RAB28: variants seen among roughly 807,000 people sequenced by gnomAD.
The protein encoded by RAB28 is RAB28, member RAS oncogene family.
RAB28 carries 24 observed loss-of-function variants against 31.7 expected under a neutral mutation model. The observed-to-expected ratio is 0.76, with a 90% CI of 0.55 to 1.06. The LOEUF (loss-of-function observed/expected upper bound fraction) is 1.06, where lower values mean the gene tolerates loss of function less well. Ranked by LOEUF, RAB28 falls within the 50% of genes least tolerant of loss-of-function variation. The pLI is 0.00. For synonymous variants in RAB28, 100 were observed against 90.4 expected, an observed-to-expected ratio of 1.11 and a Z score of -0.60; for missense variants, 254 against 258.5, an observed-to-expected ratio of 0.98 and a Z score of 0.12.
At position 13,435,017 on chromosome 4, in the gene RAB28, C is replaced by CAAAAA. The variant is rs991889676; in HGVS notation, c.391+25677_391+25681dup. 1.5e-3 allele frequency among the ~76,000 whole-genome samples: 69 copies of CAAAAA among 46,006 alleles called. 1 individual carries two copies. Among genetic ancestry groups the CAAAAA allele is most frequent in the Middle Eastern group, 0.013 (1 of 80 alleles). The allele number at this position is 46,006 out of a possible 152,430, so 30.2% of individuals were successfully genotyped here. A position where few individuals can be genotyped will look rare whatever the true frequency, so the allele number is the denominator to read the frequency against. The stretch of plus-strand genomic sequence containing the variant: ...CTTGGCACAGAGCAAGACTCCGTCT[C>CAAAAA]AAAAAAAAAAAAAAAAAAGAAAAGA... On this transcript the variant is annotated intron_variant, in intron 4 of 6. Coordinates refer to ENST00000330852, the MANE Select transcript of RAB28 (RefSeq NM_001017979.3).
At chr4:13,415,570 C>G (rs1372967369) in intron 4 of RAB28, among the ~76,000 whole-genome samples, 1 of 152,140 alleles carries the variant, frequency 6.6e-6, no homozygotes, top group Non-Finnish European at 1.5e-5. Context: ...CTGGGTCCCC[C>G]AGCAGTGCCG....
Position 13,367,960 on chromosome 4 carries a change from T to C in RAB28, c.*598A>G. The C allele has an allele frequency of 9.2e-6, 9 of 974,148 alleles. No individual in the cohort carries two copies. The highest frequency in any genetic ancestry group is 1.1e-5 in the Non-Finnish European group (9 of 819,808). The allele number at this position is 974,148 out of a possible 1,614,324, so 60.3% of individuals were successfully genotyped here. On this transcript the variant is annotated 3_prime_UTR_variant, in exon 7 of 7. Transcript: ENST00000330852. ...ACAATATCAAATATTACTTTGTGAG[T>C]TACAAACTACAATATAAACAATTTA...
intron 4 of RAB28, among the ~76,000 whole-genome samples, chr4:13,438,108 T>C (rs1240224329): frequency 6.6e-6 from 1 of 152,148 alleles, no homozygotes; most frequent in Non-Finnish European, 1.5e-5. Flanking sequence ...ATTAAAATAT[T>C]AAGAGAGGAT....
chr4:13,439,961 T>A (rs1344583782), intron 4 of RAB28, among the ~76,000 whole-genome samples: 2 of 152,222 alleles, frequency 1.3e-5, no homozygotes, highest in East Asian at 3.9e-4. Context: ...ATTATTTATA[T>A]ATTTACATCT....
chr4:13,442,946 T>C (rs560108161), intron 4 of RAB28, among the ~76,000 whole-genome samples: 5 of 152,170 alleles, frequency 3.3e-5, no homozygotes, highest in Non-Finnish European at 7.3e-5. Flanking sequence ...TTAACCACTA[T>C]CCACAGTCTC....
chr4:13,458,112 T>C (rs1392380884), intron 4 of RAB28, among the ~76,000 whole-genome samples: 2 of 152,096 alleles, frequency 1.3e-5, no homozygotes, highest in African/African-American at 4.8e-5. Context: ...TTCACTCAAT[T>C]AAAAAGAATC....
intron 4 of RAB28, among the ~76,000 whole-genome samples, chr4:13,400,027 A>G (rs1254530062): frequency 6.6e-6 from 1 of 152,118 alleles, no homozygotes; most frequent in Non-Finnish European, 1.5e-5. Context: ...CCCTTAATCT[A>G]TTTGGAACTG....
At chr4:13,483,916 C>A (rs1385053358) in intron 1 of RAB28, among the ~76,000 whole-genome samples, 160 bp downstream of exon 1, 1 of 152,188 alleles carries the variant, frequency 6.6e-6, no homozygotes, top group Non-Finnish European at 1.5e-5. Flanking sequence ...CTTCACCAAG[C>A]GCCCACTTCG....
chr4:13,387,250 A>G (rs1729411845), intron 4 of RAB28, among the ~76,000 whole-genome samples: 1 of 152,136 alleles, frequency 6.6e-6, no homozygotes, highest in South Asian at 2.1e-4. Flanking sequence ...TTAAAAGTTA[A>G]AAGAAAATAT....
intron 6 of RAB28, among the ~76,000 whole-genome samples, chr4:13,376,072 C>T (rs756813747): frequency 1.3e-5 from 2 of 152,022 alleles, no homozygotes; most frequent in Non-Finnish European, 2.9e-5. Flanking sequence ...TGCCGCTATG[C>T]ATGTTTTTTT....
At chr4:13,417,900 T>C (rs189430762) in intron 4 of RAB28, among the ~76,000 whole-genome samples, 2 of 152,256 alleles carry the variant, frequency 1.3e-5, no homozygotes, top group East Asian at 1.9e-4. Flanking sequence ...GAGAATGACT[T>C]TGATGAGCTG....
intron 5 of RAB28, 30 bp from the exon 6 acceptor site, chr4:13,376,652 TAA>T: frequency 1.4e-6 from 2 of 1,448,178 alleles, no homozygotes; most frequent in Non-Finnish European, 1.9e-6. Context: ...TTAAATGATT[TAA>T]AAGAGGCATG....
At chr4:13,408,966 A>C (rs1444066555) in intron 4 of RAB28, among the ~76,000 whole-genome samples, 2 of 152,218 alleles carry the variant, frequency 1.3e-5, no homozygotes, top group Non-Finnish European at 2.9e-5. Flanking sequence ...CTTGCATGCT[A>C]AGAAGTTATG....
intron 2 of RAB28, among the ~76,000 whole-genome samples, chr4:13,474,787 A>C (rs1162348873): frequency 6.6e-6 from 1 of 151,634 alleles, no homozygotes; most frequent in Non-Finnish European, 1.5e-5. Flanking sequence ...TTATATACTC[A>C]ACCATCCAAT....
chr4:13,420,484 T>C (rs768377587), intron 4 of RAB28, among the ~76,000 whole-genome samples: 2 of 152,166 alleles, frequency 1.3e-5, no homozygotes, highest in Non-Finnish European at 2.9e-5. Context: ...ATATCCCTGA[T>C]GAACATCCAC....
chr4:13,454,136 T>C (rs933626909), intron 4 of RAB28, among the ~76,000 whole-genome samples: 31 of 152,246 alleles, frequency 2.0e-4, no homozygotes, highest in African/African-American at 7.0e-4. Context: ...CAGCTCCTGA[T>C]AGTATTTTTT....
At chr4:13,481,314 A>G (rs1020621662) in intron 1 of RAB28, among the ~76,000 whole-genome samples, 1 of 152,052 alleles carries the variant, frequency 6.6e-6, no homozygotes, top group Non-Finnish European at 1.5e-5. Flanking sequence ...AGTTCTTACT[A>G]TATCATCTCC....
chr4:13,481,272 A>C (rs1716592145), intron 1 of RAB28, among the ~76,000 whole-genome samples: 1 of 152,056 alleles, frequency 6.6e-6, no homozygotes, highest in Non-Finnish European at 1.5e-5. Context: ...TCAAAAATAC[A>C]GGTTACTGGG....
intron 3 of RAB28, chr4:13,474,038 T>C (rs1164739127): frequency 3.9e-6 from 2 of 514,114 alleles, no homozygotes; most frequent in Admixed American, 2.4e-5. Flanking sequence ...CAAAATATCA[T>C]TTATCACTGC....
Sources: gnomAD v4.1 joint callset for allele counts (sites outside exome capture counted in the v4.1 genomes callset) on GRCh38, gnomAD v4.1.1 for gene constraint, MANE v1.5 for transcripts, NCBI Gene and HGNC (gene_info 2026-07-23, HGNC 2026-07-21) for gene names.